GALNT10: variants seen among roughly 807,000 people sequenced by gnomAD.
GALNT10 encodes polypeptide N-acetylgalactosaminyltransferase 10, also known as GalNAc transferase 10.
A neutral mutation model predicts 75.0 loss-of-function variants in GALNT10; 41 were observed. The observed-to-expected ratio is 0.55, with a 90% confidence interval of 0.43 to 0.71. The LOEUF is 0.71. GALNT10 is among the 30% of genes least tolerant of loss of function. The pLI is 0.00. For missense variants in GALNT10, 727 were observed against 818.5 expected (o/e 0.89, Z 1.36); for synonymous variants, 302 against 313.0 (o/e 0.96, Z 0.37).
intron 3 of GALNT10, among the ~76,000 whole-genome samples, chr5:154,306,704 A>G (rs1167150693): frequency 6.6e-6 from 1 of 152,092 alleles, no homozygotes; most frequent in Non-Finnish European, 1.5e-5. Context: ...ACAGAAAATC[A>G]AGGAAACCAA....
chr5:154,308,015 C>A (rs1195399785), intron 3 of GALNT10, among the ~76,000 whole-genome samples: 1 of 144,812 alleles, frequency 6.9e-6, no homozygotes, highest in Non-Finnish European at 1.5e-5. Context: ...TCTTTATTCA[C>A]AAAGAATAAA....
intron 1 of GALNT10, among the ~76,000 whole-genome samples, chr5:154,293,562 G>A (rs1480017481): frequency 6.7e-6 from 1 of 149,034 alleles, no homozygotes; most frequent in Non-Finnish European, 1.5e-5. Flanking sequence ...TGCTGCCAAA[G>A]CCCAGCCCCT....
chr5:154,381,480 G>T (rs184256091), intron 6 of GALNT10, among the ~76,000 whole-genome samples: 2 of 152,306 alleles, frequency 1.3e-5, no homozygotes, highest in East Asian at 3.9e-4. Context: ...AAGATCTCTG[G>T]ATACAAAGCC....
At chr5:154,277,193 C>T (rs902213575) in intron 1 of GALNT10, among the ~76,000 whole-genome samples, 4 of 151,878 alleles carry the variant, frequency 2.6e-5, no homozygotes, top group African/African-American at 9.7e-5. Flanking sequence ...GCTGGGGTCT[C>T]TCATATCCTT....
At chr5:154,278,959 T>C (rs941163727) in intron 1 of GALNT10, among the ~76,000 whole-genome samples, 9 of 152,230 alleles carry the variant, frequency 5.9e-5, no homozygotes, top group Admixed American at 2.6e-4. Flanking sequence ...AATGGACACT[T>C]GAGTTGTTGC....
At chr5:154,275,203 G>T (rs182663237) in intron 1 of GALNT10, among the ~76,000 whole-genome samples, 56 of 152,292 alleles carry the variant, frequency 3.7e-4, no homozygotes, top group African/African-American at 1.3e-3. Context: ...ATTCTAAAAA[G>T]CACGTGGGAG....
chr5:154,204,777 G>A (rs146246434), intron 1 of GALNT10, among the ~76,000 whole-genome samples: 18 of 152,328 alleles, frequency 1.2e-4, no homozygotes, highest in Admixed American at 2.0e-4. Flanking sequence ...TACCCACTCT[G>A]CGACTTGATC....
chr5:154,307,450 C>T (rs1398044786), intron 3 of GALNT10, among the ~76,000 whole-genome samples: 2 of 151,958 alleles, frequency 1.3e-5, no homozygotes, highest in Non-Finnish European at 2.9e-5. Flanking sequence ...GAAACCCCGT[C>T]TCTACTAAAA....
intron 1 of GALNT10, among the ~76,000 whole-genome samples, chr5:154,292,156 G>C (rs1362788520): frequency 2.0e-5 from 3 of 152,196 alleles, no homozygotes; most frequent in Non-Finnish European, 2.9e-5. Flanking sequence ...TGCTCAACTT[G>C]ATGTGACAAC....
chr5:154,354,469 C>A (rs1755258689), intron 4 of GALNT10, among the ~76,000 whole-genome samples: 1 of 152,186 alleles, frequency 6.6e-6, no homozygotes, highest in African/African-American at 2.4e-5. Context: ...TCAGAGGAGT[C>A]CGTAGACAGA....
chr5:154,247,474 T>C (rs1398064998), intron 1 of GALNT10, among the ~76,000 whole-genome samples: 2 of 152,232 alleles, frequency 1.3e-5, no homozygotes, highest in East Asian at 3.8e-4. Flanking sequence ...GTTTGTATCC[T>C]CTTTTATTTC....
chr5:154,376,439 T>C lies in GALNT10; in HGVS notation c.731T>C (p.Val244Ala). The C allele has an allele frequency of 6.3e-7, 1 of 1,587,258 alleles. No individual in the cohort carries two copies. Among genetic ancestry groups the C allele is most frequent in the Non-Finnish European group, 8.5e-7 (1 of 1,170,378 alleles). Reference protein sequence around the residue: ...TFLDSHCEANVNWLPPLLDRI... With the variant: ...TFLDSHCEANANWLPPLLDRI... ...TTGGATTCACACTGTGAAGCCAATG[T>C]CAACTGGCTTCCCCCCTTGCTTGGT... Residue 244 changes from valine to alanine, a missense_variant, in exon 5 of 12, where the codon GTC (valine) becomes GCC (alanine). Val to Ala is a moderately conservative substitution (Grantham distance 64). Transcript: ENST00000297107. This position sits in a 1 kb window ranked among gnomAD's most constrained non-coding sequence, Gnocchi z 4.1.
chr5:154,366,605 C>A (rs901909543), intron 4 of GALNT10, among the ~76,000 whole-genome samples: 1 of 151,902 alleles, frequency 6.6e-6, no homozygotes, highest in African/African-American at 2.4e-5. Context: ...CCCATAGATA[C>A]CAAAAGCTCC....
chr5:154,355,636 G>C (rs553963321), intron 4 of GALNT10, among the ~76,000 whole-genome samples: 1 of 151,372 alleles, frequency 6.6e-6, no homozygotes, highest in South Asian at 2.1e-4. Context: ...TGATTTTTTT[G>C]GTATCCTATT....
chr5:154,219,929 C>A (rs936198853), intron 1 of GALNT10: 1 of 152,004 alleles, frequency 6.6e-6, no homozygotes, highest in Admixed American at 6.6e-5. Context: ...ATGCTTTTCC[C>A]ACTCCCACAA....
chr5:154,233,570 G>A (rs1400533970), intron 1 of GALNT10, among the ~76,000 whole-genome samples: 2 of 152,148 alleles, frequency 1.3e-5, no homozygotes, highest in East Asian at 3.9e-4. Context: ...GTTCTGGGGT[G>A]CCCAACAGGT....
intron 1 of GALNT10, chr5:154,217,910 T>A: frequency 1.5e-6 from 1 of 653,806 alleles, no homozygotes; most frequent in Non-Finnish European, 1.9e-6. Context: ...ACTGTTGTAC[T>A]TTCTATAAAT....
At position 154,417,142 on chromosome 5, in the gene GALNT10, C is replaced by T. The variant is rs2113231563; in HGVS notation, c.*170C>T. ...GCTGGGGTCTGCCTGGTCCTTGAGC[C>T]CCTGAGTTGTGGGGGTAGGGTGAAG... is the stretch of plus-strand genomic sequence containing the variant. On this transcript the variant is annotated 3_prime_UTR_variant, in exon 12 of 12. Transcript: ENST00000297107. 1.6e-6 allele frequency: 1 copy of T among 619,940 alleles called. No homozygotes were observed. Among genetic ancestry groups the T allele is most frequent in the Non-Finnish European group, 2.8e-6 (1 of 352,864 alleles). The allele number at this position is 619,940 out of a possible 1,614,324, so 38.4% of individuals were successfully genotyped here. A position where few individuals can be genotyped will look rare whatever the true frequency, so the allele number is the denominator to read the frequency against.
At chr5:154,345,812 T>G (rs1204571494) in intron 4 of GALNT10, among the ~76,000 whole-genome samples, 1 of 95,282 alleles carries the variant, frequency 1.0e-5, no homozygotes, top group Non-Finnish European at 2.4e-5. Flanking sequence ...ATTTTTTTTT[T>G]TTTTGTATTT....
Sources: gnomAD v4.1 joint callset for allele counts (sites outside exome capture counted in the v4.1 genomes callset) on GRCh38, gnomAD v4.1.1 for gene constraint, Gnocchi (gnomAD v3.1) non-coding constraint, MANE v1.5 for transcripts, NCBI Gene and HGNC (gene_info 2026-07-23, HGNC 2026-07-21) for gene names.